ADGRB3: variants seen among roughly 807,000 people sequenced by gnomAD.
ADGRB3 encodes brain-specific angiogenesis inhibitor 3.
Under a neutral mutation model 193.4 loss-of-function variants are expected in ADGRB3, and 37 were observed. The ratio of observed to expected loss-of-function variants is 0.19; its 90% CI spans 0.15 to 0.25. ADGRB3 has a LOEUF of 0.25. Among genes scored for constraint, ADGRB3 ranks in the 10% least tolerant of loss-of-function variants. The pLI, the probability that ADGRB3 is intolerant of heterozygous loss-of-function variation, is 1.00. For missense variants in ADGRB3, 1,637 were observed against 1,852.9 expected (o/e 0.88, Z 2.14); for synonymous variants, 690 against 644.2 (o/e 1.07, Z -1.08).
At chr6:68,836,574 G>A (rs1768050007) in intron 3 of ADGRB3, among the ~76,000 whole-genome samples, 1 of 152,132 alleles carries the variant, frequency 6.6e-6, no homozygotes, top group African/African-American at 2.4e-5. Context: ...AAATTCTGAT[G>A]AGCTGTCTGC....
chr6:69,255,407 G>A (rs1166006252), intron 20 of ADGRB3, among the ~76,000 whole-genome samples: 1 of 152,164 alleles, frequency 6.6e-6, no homozygotes, highest in African/African-American at 2.4e-5. Context: ...ATTCTAACTG[G>A]TGTGAGATGG....
At chr6:69,080,441 A>T (rs1377550712) in intron 17 of ADGRB3, among the ~76,000 whole-genome samples, 2 of 152,008 alleles carry the variant, frequency 1.3e-5, no homozygotes, top group East Asian at 3.9e-4. Flanking sequence ...CCAAACTAAG[A>T]TGAACAGAAA....
intron 3 of ADGRB3, among the ~76,000 whole-genome samples, chr6:68,827,544 AT>A (rs1314217305): frequency 6.6e-6 from 1 of 151,958 alleles, no homozygotes; most frequent in Admixed American, 6.6e-5. Context: ...AACTGCTGGG[AT>A]TTTGCTCCGG....
intron 17 of ADGRB3, among the ~76,000 whole-genome samples, chr6:69,108,316 G>A (rs1773270949): frequency 6.6e-6 from 1 of 151,842 alleles, no homozygotes; most frequent in Admixed American, 6.6e-5. Context: ...AGGCAAATGT[G>A]TGGGATATGG....
chr6:69,228,329 G>C (rs567930693), intron 17 of ADGRB3, among the ~76,000 whole-genome samples: 2 of 152,140 alleles, frequency 1.3e-5, no homozygotes, highest in African/African-American at 2.4e-5. Flanking sequence ...AACAGTGTCA[G>C]GGATTCAAAG....
chr6:68,717,136 G>T (rs1765502248), intron 3 of ADGRB3, among the ~76,000 whole-genome samples: 1 of 151,546 alleles, frequency 6.6e-6, no homozygotes. Context: ...TCAATAAATT[G>T]CTTCAATTTG....
At chr6:69,133,004 T>C (rs1279024850) in intron 17 of ADGRB3, among the ~76,000 whole-genome samples, 1 of 152,220 alleles carries the variant, frequency 6.6e-6, no homozygotes, top group East Asian at 1.9e-4. Context: ...TTGGTACCAG[T>C]ACCATGCTGT....
At chr6:69,296,328 T>G (rs1767816315) in intron 20 of ADGRB3, among the ~76,000 whole-genome samples, 1 of 152,138 alleles carries the variant, frequency 6.6e-6, no homozygotes, top group Non-Finnish European at 1.5e-5. Context: ...CTAGCTATGT[T>G]GCATTACAAA....
At chr6:69,126,222 A>G (rs376654640) in intron 17 of ADGRB3, among the ~76,000 whole-genome samples, 21 of 81,188 alleles carry the variant, frequency 2.6e-4, no homozygotes, top group Non-Finnish European at 3.4e-4. Flanking sequence ...TAGATAGATA[A>G]ATAGATACAC....
chr6:68,786,619 A>C (rs936596670), intron 3 of ADGRB3, among the ~76,000 whole-genome samples: 1 of 152,046 alleles, frequency 6.6e-6, no homozygotes, highest in African/African-American at 2.4e-5. Context: ...TTGGCTTAGG[A>C]TTGACTTGGT....
At chr6:69,372,687 C>T (rs375627906) in intron 30 of ADGRB3, among the ~76,000 whole-genome samples, 2 of 151,942 alleles carry the variant, frequency 1.3e-5, no homozygotes, top group Non-Finnish European at 2.9e-5. Flanking sequence ...ATACATACTA[C>T]GATAAGTGAA....
chr6:68,897,198 A>G (rs922158202), intron 3 of ADGRB3, among the ~76,000 whole-genome samples: 11 of 151,838 alleles, frequency 7.2e-5, no homozygotes, highest in Non-Finnish European at 7.4e-5. Context: ...TGTCTAATAC[A>G]AGAAATACAG....
intron 13 of ADGRB3, among the ~76,000 whole-genome samples, chr6:69,040,699 A>AAAC (rs1771035580): frequency 6.9e-6 from 1 of 145,498 alleles, no homozygotes; most frequent in Non-Finnish European, 1.5e-5. Flanking sequence ...AAAAAAAAAA[A>AAAC]AAAAAAAAAA....
At chr6:68,722,142 C>T (rs1007941715) in intron 3 of ADGRB3, among the ~76,000 whole-genome samples, 1 of 151,560 alleles carries the variant, frequency 6.6e-6, no homozygotes, top group African/African-American at 2.4e-5. Context: ...TATTCCAAGC[C>T]ACCCATATGA....
intron 17 of ADGRB3, among the ~76,000 whole-genome samples, chr6:69,192,986 G>A (rs1765224459): frequency 6.6e-6 from 1 of 152,110 alleles, no homozygotes; most frequent in African/African-American, 2.4e-5. Flanking sequence ...ATATATAGGA[G>A]AAATCAAGTT....
At chr6:68,980,932 A>G (rs12665411) in intron 10 of ADGRB3, among the ~76,000 whole-genome samples, 16,078 of 151,520 alleles carry the variant, frequency 0.11, 1,984 homozygotes, top group East Asian at 0.57. Flanking sequence ...AAGTCACTCC[A>G]GACCAATTAA....
At chr6:68,890,729 T>C (rs1179411012) in intron 3 of ADGRB3, among the ~76,000 whole-genome samples, 1 of 152,106 alleles carries the variant, frequency 6.6e-6, no homozygotes, top group African/African-American at 2.4e-5. Context: ...AGAGAGATTT[T>C]TAAAAATGCA....
chr6:69,051,992 A>C (rs960978241), intron 15 of ADGRB3, among the ~76,000 whole-genome samples: 1 of 151,946 alleles, frequency 6.6e-6, no homozygotes, highest in Non-Finnish European at 1.5e-5. Context: ...CCGGGTTCAC[A>C]CCATTCTCCT....
chr6:68,910,637 TC>T (rs1766676657), intron 3 of ADGRB3, among the ~76,000 whole-genome samples: 2 of 152,238 alleles, frequency 1.3e-5, no homozygotes, highest in Non-Finnish European at 2.9e-5. Context: ...TATCCAGTTT[TC>T]CCAGCACCAT....
Sources: allele counts gnomAD v4.1 joint callset (sites outside exome capture counted in the v4.1 genomes callset), GRCh38; gene constraint gnomAD v4.1.1; transcripts MANE v1.5; gene names NCBI Gene and HGNC (gene_info 2026-07-23, HGNC 2026-07-21).